Variants in AGBL4 observed in about 807,000 individuals in gnomAD.
AGBL4 encodes AGBL carboxypeptidase 4.
AGBL4 carries 58 observed loss-of-function variants against 66.4 expected under a neutral mutation model. The ratio of observed to expected loss-of-function variants is 0.87; its 90% CI spans 0.71 to 1.09. The LOEUF is 1.09. AGBL4 is among the 50% of genes least tolerant of loss of function. The probability of loss-of-function intolerance (pLI) is 0.00; values close to 1 mark genes in which losing one functional copy is unlikely to be tolerated. For missense variants in AGBL4, 579 were observed against 631.0 expected, an observed-to-expected ratio of 0.92 and a Z score of 0.88; for synonymous variants, 234 against 222.9, an observed-to-expected ratio of 1.05 and a Z score of -0.44.
At chr1:48,829,585 C>T (rs952819103) in intron 6 of AGBL4, among the ~76,000 whole-genome samples, 3 of 152,146 alleles carry the variant, frequency 2.0e-5, no homozygotes, top group Non-Finnish European at 4.4e-5. Flanking sequence ...TATTATTCCT[C>T]CTCACCCTTG....
intron 4 of AGBL4, among the ~76,000 whole-genome samples, chr1:49,122,846 ATTGT>A (rs1569687809): frequency 6.6e-6 from 1 of 152,020 alleles, no homozygotes; most frequent in East Asian, 1.9e-4. Context: ...TAGCTACTAT[ATTGT>A]TTGTTTGTTT....
intron 1 of AGBL4, among the ~76,000 whole-genome samples, chr1:50,011,336 T>C (rs1219711728): frequency 6.6e-6 from 1 of 152,198 alleles, no homozygotes; most frequent in East Asian, 1.9e-4. Context: ...TACAATGATA[T>C]ATCATCTCAC....
chr1:48,690,019 G>A (rs1012186629), intron 6 of AGBL4, among the ~76,000 whole-genome samples: 12 of 152,358 alleles, frequency 7.9e-5, no homozygotes, highest in African/African-American at 2.4e-4. Context: ...GTTATAACTC[G>A]TTATGGTTTT....
chr1:49,682,804 G>A (rs544373371), intron 3 of AGBL4, among the ~76,000 whole-genome samples: 1 of 152,194 alleles, frequency 6.6e-6, no homozygotes, highest in African/African-American at 2.4e-5. Flanking sequence ...CGCAAATTAT[G>A]TAGATGAACC....
chr1:49,813,135 C>A (rs937496339), intron 2 of AGBL4, among the ~76,000 whole-genome samples: 3 of 152,072 alleles, frequency 2.0e-5, no homozygotes, highest in African/African-American at 7.2e-5. Context: ...GACAAAGCAG[C>A]CCATAACCAC....
At chr1:49,131,872 C>A (rs1200727432) in intron 4 of AGBL4, among the ~76,000 whole-genome samples, 2 of 151,978 alleles carry the variant, frequency 1.3e-5, no homozygotes, top group Non-Finnish European at 2.9e-5. Context: ...GATAATAACT[C>A]TAATTTTGAA....
chr1:48,925,161 C>G (rs1571013770), intron 5 of AGBL4, among the ~76,000 whole-genome samples: 1 of 151,562 alleles, frequency 6.6e-6, no homozygotes. Context: ...CACACACACA[C>G]ACACACACAC....
At chr1:49,661,936 G>C (rs1045833096) in intron 3 of AGBL4, among the ~76,000 whole-genome samples, 2 of 151,894 alleles carry the variant, frequency 1.3e-5, no homozygotes, top group African/African-American at 4.8e-5. Flanking sequence ...ACAGGTGAAT[G>C]GATAAACAAA....
chr1:48,846,820 A>AT lies in AGBL4; in HGVS notation c.634+20370dup, dbSNP rs953326110. 2.0e-4 allele frequency among the ~76,000 whole-genome samples: 30 copies of AT among 147,746 alleles called. 1 individual carries two copies. The highest frequency in any genetic ancestry group is 1.9e-3 in the South Asian group (9 of 4,654). On this transcript the variant is annotated intron_variant, in intron 6 of 13. Coordinates refer to ENST00000371839, the MANE Select transcript of AGBL4 (RefSeq NM_032785.4). ...GTGATTGGCAGTCCATGTGTCATGT[A>AT]TTTTTTTTTTTACTCTTGAACAACA... is the stretch of plus-strand genomic sequence containing the variant.
At chr1:48,580,747 T>C (rs772394707) in intron 11 of AGBL4, among the ~76,000 whole-genome samples, 1 of 152,230 alleles carries the variant, frequency 6.6e-6, no homozygotes, top group Non-Finnish European at 1.5e-5. Flanking sequence ...TTGTGAGTAC[T>C]GCCTGTTCAA....
chr1:49,993,241 T>C (rs975412597), intron 1 of AGBL4, among the ~76,000 whole-genome samples: 3 of 152,210 alleles, frequency 2.0e-5, no homozygotes, highest in African/African-American at 7.2e-5. Context: ...TACTAGCAAA[T>C]TTAAAATTAC....
intron 2 of AGBL4, among the ~76,000 whole-genome samples, chr1:49,731,494 T>C (rs1335834732): frequency 2.0e-5 from 3 of 152,150 alleles, no homozygotes; most frequent in African/African-American, 4.8e-5. Flanking sequence ...ATAATACAGA[T>C]TACATACAGT....
intron 11 of AGBL4, among the ~76,000 whole-genome samples, chr1:48,553,778 A>T (rs2803266): frequency 6.6e-6 from 1 of 152,142 alleles, no homozygotes; most frequent in Admixed American, 6.5e-5. Flanking sequence ...TTTATCACCA[A>T]CTTCCTGGTA....
chr1:49,258,885 A>T (rs1411945854), intron 3 of AGBL4, among the ~76,000 whole-genome samples: 2 of 152,210 alleles, frequency 1.3e-5, no homozygotes, highest in African/African-American at 4.8e-5. Context: ...TGAAGTAAAA[A>T]ATCTTAAGGG....
At chr1:49,760,974 A>C (rs1266741526) in intron 2 of AGBL4, among the ~76,000 whole-genome samples, 1 of 152,102 alleles carries the variant, frequency 6.6e-6, no homozygotes, top group Non-Finnish European at 1.5e-5. Flanking sequence ...GAACAATGAG[A>C]ACACATGGAC....
intron 3 of AGBL4, among the ~76,000 whole-genome samples, chr1:49,557,359 T>C (rs1643928817): frequency 6.6e-6 from 1 of 152,102 alleles, no homozygotes; most frequent in South Asian, 2.1e-4. Flanking sequence ...TTTAATTTCA[T>C]ATTGTTGAAA....
Position 48,545,355 on chromosome 1 carries a change from C to T in AGBL4, c.1268-5617G>A, listed in dbSNP as rs910213315. 2.0e-5 allele frequency among the ~76,000 whole-genome samples: 3 copies of T among 152,270 alleles called. No homozygotes were observed. The East Asian group carries it at 5.8e-4, about 29-fold the overall frequency. ...CCCCTCCAACCCTATTACATATTCC[C>T]TAACCTTGAAAGCCTCACTCCAGAT... is the stretch of plus-strand genomic sequence containing the variant. On this transcript the variant is annotated intron_variant, in intron 11 of 13. Transcript: ENST00000371839.
intron 6 of AGBL4, among the ~76,000 whole-genome samples, chr1:48,738,050 A>C (rs1649340047): frequency 1.3e-5 from 2 of 152,238 alleles, no homozygotes; most frequent in African/African-American, 2.4e-5. Context: ...CAGACCAGCA[A>C]GATCAATTGT....
intron 4 of AGBL4, among the ~76,000 whole-genome samples, chr1:49,054,831 T>G (rs1260578987): frequency 6.6e-6 from 1 of 152,030 alleles, no homozygotes; most frequent in Non-Finnish European, 1.5e-5. Flanking sequence ...ACATTGATTT[T>G]GTACTTTTTC....
Sources: allele counts gnomAD v4.1 joint callset (sites outside exome capture counted in the v4.1 genomes callset), GRCh38; gene constraint gnomAD v4.1.1; transcripts MANE v1.5; gene names NCBI Gene and HGNC (gene_info 2026-07-23, HGNC 2026-07-21).